The following TECPR2 variants were observed in gnomAD, a reference collection of about 807,000 sequenced individuals.
TECPR2 encodes the protein tectonin beta-propeller repeat containing 2, also known as tectonin beta-propeller repeat-containing protein 2.
In TECPR2, 65 loss-of-function variants were observed where a neutral mutation model predicts 138.1. The ratio of observed to expected loss-of-function variants is 0.47; its 90% CI spans 0.39 to 0.58. TECPR2 has a LOEUF of 0.58. Ranked by LOEUF, TECPR2 falls within the 20% of genes least tolerant of loss-of-function variation. The probability of loss-of-function intolerance (pLI) is 0.00; values close to 1 mark genes in which losing one functional copy is unlikely to be tolerated. For missense variants in TECPR2, 1,553 were observed against 1,824.5 expected (o/e 0.85, Z 2.71); for synonymous variants, 746 against 749.8 (o/e 0.99, Z 0.08).
At chr14:102,476,781 A>T (rs1199335577) in intron 17 of TECPR2, among the ~76,000 whole-genome samples, 1 of 152,170 alleles carries the variant, frequency 6.6e-6, no homozygotes, top group East Asian at 1.9e-4. Context: ...TTGGCCAGGT[A>T]CAGTGGCTCA....
intron 12 of TECPR2, among the ~76,000 whole-genome samples, chr14:102,445,532 T>C (rs1482048090): frequency 1.3e-5 from 2 of 152,160 alleles, no homozygotes; most frequent in Non-Finnish European, 2.9e-5. Context: ...GCCTACTCGC[T>C]TTTTTCTTAG....
At chr14:102,460,081 A>G (rs1451057914) in intron 16 of TECPR2, among the ~76,000 whole-genome samples, 1 of 151,714 alleles carries the variant, frequency 6.6e-6, no homozygotes, top group Non-Finnish European at 1.5e-5. Flanking sequence ...GACCAGCCTG[A>G]CCAACATAGC....
chr14:102,437,320 G>A (rs1889694044), intron 9 of TECPR2, among the ~76,000 whole-genome samples: 1 of 152,238 alleles, frequency 6.6e-6, no homozygotes, highest in Admixed American at 6.5e-5. Context: ...GCCAAGGTGG[G>A]CGAATCACCT....
intron 4 of TECPR2, 135 bp downstream of exon 4, chr14:102,408,754 T>C: frequency 9.8e-7 from 1 of 1,018,464 alleles, no homozygotes; most frequent in Non-Finnish European, 1.4e-6. Context: ...ATTTGTAACA[T>C]TTACTTTTAT....
chr14:102,411,698 TCAAAAAAAAAAAAAAAAAAA>T (rs1888871884), intron 4 of TECPR2, among the ~76,000 whole-genome samples: 1 of 9,670 alleles, frequency 1.0e-4, no homozygotes. Context: ...GCCATGTTGC[TCAAAAAAAAAAAAAAAAAAA>T]AAAAAAAAAA....
intron 12 of TECPR2, among the ~76,000 whole-genome samples, chr14:102,445,007 G>A (rs115025933): frequency 6.4e-4 from 98 of 152,340 alleles, no homozygotes; most frequent in African/African-American, 2.3e-3. Context: ...TAGGGGCTGG[G>A]TGCGCCAAGA....
At chr14:102,437,162 A>C in intron 9 of TECPR2, 1 of 985,480 alleles carries the variant, frequency 1.0e-6, no homozygotes, top group African/African-American at 1.7e-5. Context: ...GTTAACTTCT[A>C]TGTGGGTATC....
chr14:102,470,281 CTT>C (rs763801410), intron 17 of TECPR2, among the ~76,000 whole-genome samples: 2 of 150,202 alleles, frequency 1.3e-5, no homozygotes, highest in Non-Finnish European at 3.0e-5. Flanking sequence ...GGTTCAATCT[CTT>C]TATTCATTAT....
chr14:102,458,915 A>G (rs1310513791), intron 16 of TECPR2, among the ~76,000 whole-genome samples: 2 of 150,478 alleles, frequency 1.3e-5, no homozygotes, highest in Non-Finnish European at 3.0e-5. Context: ...GCTGAGCCTA[A>G]TCTAGGCAAC....
chr14:102,455,171 A>G (rs1890246061), intron 16 of TECPR2, among the ~76,000 whole-genome samples: 1 of 152,144 alleles, frequency 6.6e-6, no homozygotes, highest in African/African-American at 2.4e-5. Flanking sequence ...TTCAGCAGAT[A>G]CTCATTGAGG....
intron 11 of TECPR2, among the ~76,000 whole-genome samples, chr14:102,441,612 C>T (rs2139741286): frequency 6.6e-6 from 1 of 151,950 alleles, no homozygotes; most frequent in East Asian, 2.0e-4. Context: ...ATCACTTGAA[C>T]CTGGGAGGCA....
chr14:102,379,943 C>A (rs1217327896), intron 2 of TECPR2, among the ~76,000 whole-genome samples: 1 of 149,868 alleles, frequency 6.7e-6, no homozygotes, highest in Non-Finnish European at 1.5e-5. Context: ...ACCCTAGTCA[C>A]ACTGCTGAAG....
chr14:102,441,575 A>G (rs537521556), intron 11 of TECPR2, among the ~76,000 whole-genome samples: 21 of 151,802 alleles, frequency 1.4e-4, no homozygotes, highest in Non-Finnish European at 2.8e-4. Flanking sequence ...CTGTAATCCC[A>G]GCTACTTGGG....
At position 102,420,663 on chromosome 14, in the gene TECPR2, G is replaced by A. The variant is rs771924036; in HGVS notation, c.639-4316G>A. The stretch of plus-strand genomic sequence containing the variant: ...AAATTTTTTAATTTGTAGAGATGGT[G>A]TCTCTCTAGGTCACCCAGGCTGTTG... On this transcript the variant is annotated intron_variant, in intron 5 of 19. Transcript: ENST00000359520. This position sits in a 1 kb window ranked among gnomAD's most constrained non-coding sequence, Gnocchi z 4.1. Among the ~76,000 whole-genome samples the A allele has an allele frequency of 1.8e-4, 27 of 152,118 alleles. No homozygotes were observed. The highest frequency in any genetic ancestry group is 1.3e-3 in the Admixed American group (20 of 15,262).
intron 7 of TECPR2, among the ~76,000 whole-genome samples, chr14:102,430,456 CT>C (rs1237130868): frequency 6.6e-6 from 1 of 152,234 alleles, no homozygotes; most frequent in Non-Finnish European, 1.5e-5. Context: ...CAGTCTGCCC[CT>C]AACACATGCC....
At chr14:102,400,149 G>A (rs185990423) in intron 2 of TECPR2, among the ~76,000 whole-genome samples, 1 of 151,312 alleles carries the variant, frequency 6.6e-6, no homozygotes, top group East Asian at 2.0e-4. Flanking sequence ...GGGTTCAAGT[G>A]ATTCTTGTGC....
At chr14:102,479,218 A>G (rs72700631) in intron 17 of TECPR2, among the ~76,000 whole-genome samples, 3,838 of 152,168 alleles carry the variant, frequency 0.025, 93 homozygotes, top group South Asian at 0.098. Context: ...CTCAATGGGC[A>G]TTTTCAGTGA....
chr14:102,424,150 T>C (rs1201455006), intron 5 of TECPR2, among the ~76,000 whole-genome samples: 2 of 152,204 alleles, frequency 1.3e-5, no homozygotes, highest in East Asian at 1.9e-4. Context: ...GGCTAAATGG[T>C]ACAGCATATT....
chr14:102,437,927 T>C (rs888072687), intron 9 of TECPR2, 95 bp from the exon 10 acceptor site: 32 of 1,409,762 alleles, frequency 2.3e-5, no homozygotes, highest in Non-Finnish European at 2.9e-5. Flanking sequence ...TACCGTCTCG[T>C]GTTAATGATA....
Sources: allele counts gnomAD v4.1 joint callset (sites outside exome capture counted in the v4.1 genomes callset), GRCh38; gene constraint gnomAD v4.1.1; non-coding constraint Gnocchi (gnomAD v3.1); transcripts MANE v1.5; gene names NCBI Gene and HGNC (gene_info 2026-07-23, HGNC 2026-07-21).